The following MTO1 variants were observed in gnomAD, a reference collection of about 807,000 sequenced individuals.
MTO1 encodes 5-taurinomethyluridine-[tRNA] synthase subunit MTO1, mitochondrial.
MTO1 carries 46 observed loss-of-function variants against 71.6 expected under a neutral mutation model. The observed-to-expected ratio is 0.64, with a 90% CI of 0.51 to 0.82. The LOEUF (loss-of-function observed/expected upper bound fraction) is 0.82. Among genes scored for constraint, MTO1 ranks in the 40% least tolerant of loss-of-function variants. The pLI, the probability that MTO1 is intolerant of heterozygous loss-of-function variation, is 0.00. For synonymous variants in MTO1, 297 were observed against 312.1 expected (o/e 0.95, Z 0.51); for missense variants, 773 against 867.5 (o/e 0.89, Z 1.37).
intron 4 of MTO1, among the ~76,000 whole-genome samples, chr6:73,478,722 A>G (rs1771402015): frequency 6.6e-6 from 1 of 150,810 alleles, no homozygotes; most frequent in Non-Finnish European, 1.5e-5. Context: ...GGATTTTTTT[A>G]GTAGAGACAG....
chr6:73,481,093 G>T, intron 7 of MTO1: 1 of 376,230 alleles, frequency 2.7e-6, no homozygotes, highest in Admixed American at 4.1e-5. Context: ...AGCTGGGACT[G>T]CAGGCATGCA....
intron 3 of MTO1, among the ~76,000 whole-genome samples, chr6:73,467,036 G>T (rs900408811): frequency 1.3e-5 from 2 of 152,112 alleles, no homozygotes; most frequent in Non-Finnish European, 2.9e-5. Context: ...AAAAGGGTCT[G>T]GGCATGGTGG....
intron 10 of MTO1, among the ~76,000 whole-genome samples, chr6:73,493,206 G>A (rs548474318): frequency 6.6e-6 from 1 of 151,912 alleles, no homozygotes; most frequent in South Asian, 2.1e-4. Context: ...ATGTTGGCCA[G>A]GCTGGTCTCG....
At chr6:73,475,468 G>A (rs138797949) in intron 4 of MTO1, among the ~76,000 whole-genome samples, 1 of 149,876 alleles carries the variant, frequency 6.7e-6, no homozygotes, top group East Asian at 2.0e-4. Flanking sequence ...TGCATTTTTA[G>A]TAGAGACAGG....
In MTO1 at chr6:73,504,516, C is replaced by A. The variant is rs145313818; in HGVS notation, c.*3781C>A. The A allele has an allele frequency of 1.6e-4, 25 of 152,212 alleles. No homozygotes were observed. In the East Asian group the frequency reaches 4.2e-3, roughly 26 times the overall value. The allele number at this position is 152,212 out of a possible 1,614,324, so 9.4% of individuals were successfully genotyped here. On this transcript the variant is annotated 3_prime_UTR_variant, in exon 12 of 12. Transcript: ENST00000498286. The stretch of plus-strand genomic sequence containing the variant: ...AATATCACAGTTGTAGATACTCGTG[C>A]TTTTTAAATAGATTAATGAATACTA...
rs1772320051 is a variant in MTO1, at chr6:73,507,516, C to T, written c.*6781C>T. The T allele has an allele frequency of 6.6e-6, 1 of 152,174 alleles. No individual in the cohort carries two copies. Among genetic ancestry groups the T allele is most frequent in the Non-Finnish European group, 1.5e-5 (1 of 68,036 alleles). The allele number at this position is 152,174 out of a possible 1,614,324, so 9.4% of individuals were successfully genotyped here. A position where few individuals can be genotyped will look rare whatever the true frequency, so the allele number is the denominator to read the frequency against. On this transcript the variant is annotated 3_prime_UTR_variant, in exon 12 of 12. Coordinates refer to ENST00000498286, the MANE Select transcript of MTO1 (RefSeq NM_012123.4). ...AAAGTCTTACTGATCTCTTCCTATG[C>T]TCCAATTTTATAGATATAACTTAGC...
At chr6:73,487,197 ATTTTT>A (rs4032698) in intron 9 of MTO1, among the ~76,000 whole-genome samples, 2 of 104,082 alleles carry the variant, frequency 1.9e-5, no homozygotes, top group Non-Finnish European at 3.9e-5. Flanking sequence ...CCTGCTTTCA[ATTTTT>A]TTTTTTTTTT....
chr6:73,461,774 C>T lies in MTO1; in HGVS notation c.-81C>T, dbSNP rs898351593. ...GATATTAAAGCAAGATGGCCGCGCC[C>T]TGCAGATTGTCTCTTGTTGCGTAAG... On this transcript the variant is annotated 5_prime_UTR_variant, in exon 1 of 12. Coordinates refer to ENST00000498286, the MANE Select transcript of MTO1 (RefSeq NM_012123.4). 4.1e-6 allele frequency: 6 copies of T among 1,458,644 alleles called. No individual in the cohort carries two copies. Among genetic ancestry groups the T allele is most frequent in the East Asian group, 4.6e-5 (2 of 43,256 alleles). The allele number at this position is 1,458,644 out of a possible 1,614,324, so 90.4% of individuals were successfully genotyped here.
At chr6:73,480,500 C>T (rs552562289) in intron 6 of MTO1, 175 bp from the exon 7 acceptor site, 3 of 707,548 alleles carry the variant, frequency 4.2e-6, no homozygotes, top group African/African-American at 3.6e-5. Flanking sequence ...AAACTCCCGA[C>T]CTCAGGTGAT....
intron 4 of MTO1, among the ~76,000 whole-genome samples, chr6:73,473,928 T>C (rs1582678296): frequency 6.6e-6 from 1 of 151,408 alleles, no homozygotes. Context: ...GCTGAGACCA[T>C]AGGCATGAGC....
chr6:73,485,080 A>G (rs998484424), intron 9 of MTO1, among the ~76,000 whole-genome samples: 18 of 151,820 alleles, frequency 1.2e-4, no homozygotes, highest in African/African-American at 4.3e-4. Context: ...ATATAACACT[A>G]TGCTTTCTTT....
chr6:73,488,881 G>A (rs1334851758), intron 9 of MTO1, among the ~76,000 whole-genome samples: 2 of 152,178 alleles, frequency 1.3e-5, no homozygotes, highest in Admixed American at 1.3e-4. Flanking sequence ...TCATGCCACT[G>A]CACTCTGCCT....
chr6:73,495,591 A>G lies in MTO1; in HGVS notation c.1757-2145A>G, dbSNP rs539897512. Reference sequence around the variant, plus strand: ...AAAAAAAACTATACTAGATTGAAATATAACACATATCAGTGGTTTTCAGAT... The same window carrying G: ...AAAAAAAACTATACTAGATTGAAATGTAACACATATCAGTGGTTTTCAGAT... On this transcript the variant is annotated intron_variant, in intron 10 of 11. Transcript: ENST00000498286. 3.9e-5 allele frequency among the ~76,000 whole-genome samples: 6 copies of G among 152,202 alleles called. No homozygotes were observed. The South Asian group carries it at 1.2e-3, about 32-fold the overall frequency.
chr6:73,484,488 G>A (rs191345058), intron 9 of MTO1, among the ~76,000 whole-genome samples: 9 of 152,100 alleles, frequency 5.9e-5, no homozygotes, highest in East Asian at 5.8e-4. Flanking sequence ...ACTTATAAGC[G>A]CCAGAACCCT....
intron 10 of MTO1, among the ~76,000 whole-genome samples, chr6:73,494,210 G>C (rs191878706): frequency 1.1e-3 from 167 of 152,140 alleles, no homozygotes; most frequent in African/African-American, 3.8e-3. Context: ...ACTCCAGCCT[G>C]AGCGACAAGA....
At chr6:73,472,251 A>G (rs1055195705) in intron 3 of MTO1, among the ~76,000 whole-genome samples, 1 of 152,146 alleles carries the variant, frequency 6.6e-6, no homozygotes, top group Non-Finnish European at 1.5e-5. Context: ...TCAAAAATAC[A>G]TTGAAATTTC....
rs35669630 is a variant in MTO1 at position 73,505,181 on chromosome 6, C to CA, written c.*4458dup. 23,316 of 143,664 alleles carry CA rather than the reference C, an allele frequency of 0.16. 1,959 individuals are homozygous for CA. Among genetic ancestry groups the CA allele is most frequent in the Middle Eastern group, 0.23 (63 of 276 alleles). 8.9% of individuals were successfully genotyped at this position (143,664 alleles called of 1,614,324 possible). ...CCTGGGCAACAGAGCAAGACTGTCT[C>CA]AAAAAAAAAAAATTTGTACAGTCAT... On this transcript the variant is annotated 3_prime_UTR_variant, in exon 12 of 12. Transcript: ENST00000498286.
intron 10 of MTO1, among the ~76,000 whole-genome samples, chr6:73,493,722 C>T (rs968597673): frequency 6.6e-6 from 1 of 151,378 alleles, no homozygotes; most frequent in East Asian, 1.9e-4. Context: ...ATTTTTTTAA[C>T]CCTGAACTTT....
Position 73,479,980 on chromosome 6 carries a change from G to T in MTO1, c.983G>T (p.Arg328Leu), listed in dbSNP as rs142148270. The part of the protein sequence containing the change: ...IESKVLRFPN[R>L]LHQVWLEPEG... ...TCAAAAGTTTTGCGTTTTCCAAACC[G>T]TCTACATCAGGTTTGGTTGGAACCT... is the stretch of plus-strand genomic sequence containing the variant. Residue 328 changes from arginine (R) to leucine (L), a missense_variant, in exon 6 of 12, where the codon CGT (arginine) becomes CTT (leucine). Coordinates refer to ENST00000498286, the MANE Select transcript of MTO1 (RefSeq NM_012123.4). The T allele has an allele frequency of 1.1e-5, 17 of 1,613,824 alleles. No individual in the cohort carries two copies. The highest frequency in any genetic ancestry group is 1.3e-5 in the African/African-American group (1 of 74,888).
Sources: allele counts gnomAD v4.1 joint callset (sites outside exome capture counted in the v4.1 genomes callset), GRCh38; gene constraint gnomAD v4.1.1; transcripts MANE v1.5; gene names NCBI Gene and HGNC (gene_info 2026-07-23, HGNC 2026-07-21).